The following ABLIM3 variants were observed in gnomAD, a reference collection of about 807,000 sequenced individuals.
ABLIM3 encodes the protein actin-binding LIM protein 3.
Under a neutral mutation model 109.5 loss-of-function variants are expected in ABLIM3, and 61 were observed. The ratio of observed to expected loss-of-function variants is 0.56; its 90% CI spans 0.45 to 0.69. ABLIM3 has a LOEUF of 0.69. Ranked by LOEUF, ABLIM3 falls within the 30% of genes least tolerant of loss-of-function variation. ABLIM3 has a pLI of 0.00. For synonymous variants in ABLIM3, 300 were observed against 324.8 expected, an observed-to-expected ratio of 0.92 and a Z score of 0.82; for missense variants, 796 against 889.5, an observed-to-expected ratio of 0.89 and a Z score of 1.34.
rs760173081 is a variant in ABLIM3, at chr5:149,207,119, G to A, written c.560G>A (p.Gly187Glu). ...CAGACCTGCAGCGTCATCCTCACCG[G>A]GGAGTATATCAGCAAGTGGGTCCCC... ...KCQTCSVILT[G>E]EYISKDGVPY... Residue 187 changes from glycine to glutamate, a missense_variant, in exon 6 of 24, where the codon GGG becomes GAG. Coordinates refer to ENST00000309868, the MANE Select transcript of ABLIM3 (RefSeq NM_014945.5). 6.2e-7 allele frequency: 1 copy of A among 1,613,746 alleles called. No individual in the cohort carries two copies. Among genetic ancestry groups the A allele is most frequent in the East Asian group, 2.2e-5 (1 of 44,838 alleles).
chr5:149,213,284 T>C (rs575062186), intron 7 of ABLIM3, among the ~76,000 whole-genome samples: 1 of 152,098 alleles, frequency 6.6e-6, no homozygotes, highest in East Asian at 1.9e-4. Context: ...ACACCAACCT[T>C]GGCGAGCAGC....
In ABLIM3 at chr5:149,183,494, A is replaced by G. The variant is rs76459072; in HGVS notation, c.56A>G (p.Asn19Ser). Residue 19 changes from asparagine (N) to serine (S), a missense_variant, in exon 3 of 24, where the codon AAT (asparagine) becomes AGT (serine). Transcript: ENST00000309868. ...QNPYNPRGSS[N>S]VIQCYRCGDT... ...CCTTACAATCCACGGGGCAGCTCCA[A>G]TGTCATCCAGTGCTACCGCTGTGGA... is the stretch of plus-strand genomic sequence containing the variant. 2.9e-4 allele frequency: 462 copies of G among 1,594,062 alleles called. 2 individuals are homozygous for G. In the African/African-American group the frequency reaches 3.5e-3, roughly 12 times the overall value.
chr5:149,233,280 T>G lies in ABLIM3; in HGVS notation c.868T>G (p.Ser290Ala). ...SISPPGSSIGSPNRVICAKVD... is the reference protein window; with the variant it reads ...SISPPGSSIGAPNRVICAKVD... ...CTCACCCCCTGGATCCAGCATTGGGTCACCCAACCGAGTCATCTGCGTATG... is the reference window on the plus strand; with the variant it reads ...CTCACCCCCTGGATCCAGCATTGGGGCACCCAACCGAGTCATCTGCGTATG... Residue 290 changes from serine to alanine, a missense_variant, in exon 10 of 24, where the codon TCA (serine) becomes GCA (alanine). Transcript: ENST00000309868. 6.2e-7 allele frequency: 1 copy of G among 1,614,156 alleles called. No individual in the cohort carries two copies. The highest frequency in any genetic ancestry group is 1.3e-5 in the African/African-American group (1 of 75,046).
intron 10 of ABLIM3, among the ~76,000 whole-genome samples, chr5:149,234,848 T>C (rs184815545): frequency 6.6e-6 from 1 of 152,360 alleles, no homozygotes; most frequent in East Asian, 1.9e-4. Context: ...CTCAGGAAGC[T>C]GCTGCACTGT....
rs76771454 is a variant in ABLIM3 at position 149,170,292 on chromosome 5, G to A, written c.14-13160G>A. ...TCTCCCTCTCTCTCTCTCTCTCTCC[G>A]TCTCTAATAGGTTCTCTCAACATGT... is the stretch of plus-strand genomic sequence containing the variant. On this transcript the variant is annotated intron_variant, in intron 2 of 23. Transcript: ENST00000309868. Among the ~76,000 whole-genome samples the A allele has an allele frequency of 1.6e-3, 186 of 118,580 alleles. 1 individual carries two copies. In the East Asian group the frequency reaches 0.037, roughly 24 times the overall value. The allele number at this position is 118,580 out of a possible 152,430, so 77.8% of individuals were successfully genotyped here. A position where few individuals can be genotyped will look rare whatever the true frequency, so the allele number is the denominator to read the frequency against.
chr5:149,248,552 A>C (rs1378164999), intron 18 of ABLIM3, among the ~76,000 whole-genome samples: 1 of 151,956 alleles, frequency 6.6e-6, no homozygotes. Flanking sequence ...TTAGCTGGGC[A>C]TGGTGGTGGG....
intron 2 of ABLIM3, among the ~76,000 whole-genome samples, chr5:149,168,398 A>G (rs1201144260): frequency 6.6e-6 from 1 of 152,200 alleles, no homozygotes; most frequent in Non-Finnish European, 1.5e-5. Flanking sequence ...AAGTGACACC[A>G]TCACATGCTG....
At chr5:149,202,112 T>A (rs1449735932) in intron 5 of ABLIM3, among the ~76,000 whole-genome samples, 2 of 152,178 alleles carry the variant, frequency 1.3e-5, no homozygotes, top group Non-Finnish European at 2.9e-5. Context: ...GACTCCTGGG[T>A]CGGTTGTTAT....
intron 5 of ABLIM3, among the ~76,000 whole-genome samples, chr5:149,206,273 G>A (rs1474796852): frequency 6.6e-6 from 1 of 152,194 alleles, no homozygotes; most frequent in African/African-American, 2.4e-5. Flanking sequence ...GCACCTTTCT[G>A]GTTTGGGACA....
chr5:149,231,420 T>C (rs980408468), intron 9 of ABLIM3, among the ~76,000 whole-genome samples: 1 of 152,128 alleles, frequency 6.6e-6, no homozygotes, highest in Non-Finnish European at 1.5e-5. Context: ...GGGTGTGTGT[T>C]GGGGGATGGG....
At chr5:149,174,826 T>G (rs1755777052) in intron 2 of ABLIM3, 1 of 152,230 alleles carries the variant, frequency 6.6e-6, no homozygotes, top group Admixed American at 6.5e-5. Context: ...TTCAGGCTAA[T>G]TAATTATCCT....
At chr5:149,185,943 A>G (rs970389824) in intron 3 of ABLIM3, among the ~76,000 whole-genome samples, 2 of 152,248 alleles carry the variant, frequency 1.3e-5, no homozygotes, top group African/African-American at 4.8e-5. Context: ...TCTGTTGTCT[A>G]AATGGATCAT....
intron 2 of ABLIM3, among the ~76,000 whole-genome samples, chr5:149,161,031 A>C (rs1290106643): frequency 6.6e-6 from 1 of 152,008 alleles, no homozygotes; most frequent in East Asian, 1.9e-4. Context: ...CAATAATCAG[A>C]CCACCTTCTT....
intron 13 of ABLIM3, 95 bp from the exon 14 acceptor site, chr5:149,240,581 G>GTCA: frequency 1.0e-6 from 1 of 983,066 alleles, no homozygotes; most frequent in Non-Finnish European, 1.6e-6. Flanking sequence ...CATCTCTGCT[G>GTCA]TCATCACCTC....
chr5:149,251,649 C>G lies in ABLIM3; in HGVS notation c.1849+230C>G, dbSNP rs375837302. ...GTGGTCTCCAAGCCACCTGTCCCAT[C>G]TGGGTTCCCAGAACCATCACAGAGT... On this transcript the variant is annotated intron_variant, in intron 21 of 23. Coordinates refer to ENST00000309868, the MANE Select transcript of ABLIM3 (RefSeq NM_014945.5). Among the ~76,000 whole-genome samples, 69 of 152,252 alleles carry G rather than the reference C, an allele frequency of 4.5e-4. 2 individuals are homozygous for G. In the East Asian group the frequency reaches 0.01, roughly 23 times the overall value.
intron 10 of ABLIM3, among the ~76,000 whole-genome samples, chr5:149,235,365 C>T (rs529506904): frequency 6.6e-6 from 1 of 152,280 alleles, no homozygotes; most frequent in Admixed American, 6.5e-5. Context: ...CTGAAACGAG[C>T]AGGTTCTTTC....
intron 2 of ABLIM3, among the ~76,000 whole-genome samples, chr5:149,175,005 G>A (rs939059853): frequency 6.6e-6 from 1 of 152,180 alleles, no homozygotes; most frequent in African/African-American, 2.4e-5. Flanking sequence ...AGGCTCCTCT[G>A]TGTTACTGAC....
chr5:149,242,412 A>G (rs1752943349), intron 14 of ABLIM3, 79 bp from the exon 15 acceptor site: 1 of 1,425,654 alleles, frequency 7.0e-7, no homozygotes, highest in Non-Finnish European at 9.9e-7. Flanking sequence ...TCAACTGACC[A>G]AGTACTATCT....
At position 149,198,139 on chromosome 5, in the gene ABLIM3, C is replaced by A. The variant is rs558905586; in HGVS notation, c.152-80C>A. The A allele has an allele frequency of 6.1e-5, 85 of 1,404,196 alleles. No homozygotes were observed. In the African/African-American group the frequency reaches 1.1e-3, roughly 19 times the overall value. 87.0% of individuals were successfully genotyped at this position (1,404,196 alleles called of 1,614,324 possible). ...CACTCATGACACAGTGAGACACCAG[C>A]CTTTCCCCCAGCGAGGACCTTCTGC... is the stretch of plus-strand genomic sequence containing the variant. On this transcript the variant is annotated intron_variant, in intron 3 of 23. Transcript: ENST00000309868. The surrounding 1 kb of genome is among the most constrained non-coding windows in gnomAD (Gnocchi z 4.2).
Sources: gnomAD v4.1 joint callset for allele counts (sites outside exome capture counted in the v4.1 genomes callset) on GRCh38, gnomAD v4.1.1 for gene constraint, Gnocchi (gnomAD v3.1) non-coding constraint, MANE v1.5 for transcripts, NCBI Gene and HGNC (gene_info 2026-07-23, HGNC 2026-07-21) for gene names.